Variants in EXO1 observed in about 807,000 individuals in gnomAD.
The protein encoded by EXO1 is exonuclease 1.
In EXO1, 69 loss-of-function variants were observed where a neutral mutation model predicts 84.5. That is an observed-to-expected ratio of 0.82 (90% confidence interval 0.67 to 1.00). The LOEUF (loss-of-function observed/expected upper bound fraction) is 1.00. EXO1 is among the 50% of genes least tolerant of loss of function. EXO1 has a pLI of 0.00. For missense variants in EXO1, 1,045 were observed against 1,000.7 expected, an observed-to-expected ratio of 1.04 and a Z score of -0.60; for synonymous variants, 373 against 366.1, an observed-to-expected ratio of 1.02 and a Z score of -0.21.
intron 5 of EXO1, 111 bp downstream of exon 5, chr1:241,852,522 G>T (rs1016296881): frequency 4.4e-6 from 4 of 902,812 alleles, no homozygotes; most frequent in Non-Finnish European, 7.2e-6. Flanking sequence ...GCTTGCACCT[G>T]TTGTCCTAGG....
intron 6 of EXO1, among the ~76,000 whole-genome samples, chr1:241,856,097 C>T (rs1483110142): frequency 6.6e-6 from 1 of 152,122 alleles, no homozygotes; most frequent in African/African-American, 2.4e-5. Flanking sequence ...GCGCCGAGAG[C>T]GAGGGAGGGC....
intron 10 of EXO1, among the ~76,000 whole-genome samples, chr1:241,866,008 T>G (rs1225692686): frequency 1.6e-4 from 24 of 152,236 alleles, no homozygotes. Flanking sequence ...TGATTTTTTT[T>G]GTGTCTTTGC....
At chr1:241,864,831 A>G (rs113000589) in intron 10 of EXO1, among the ~76,000 whole-genome samples, 5,892 of 151,222 alleles carry the variant, frequency 0.039, 177 homozygotes, top group Non-Finnish European at 0.054. Flanking sequence ...GAAAAGTGCT[A>G]TCTTTACACA....
At position 241,857,371 on chromosome 1, in the gene EXO1, C is replaced by T. The variant is rs756050889; in HGVS notation, c.432C>T (p.Cys144=). 5 of 1,613,860 alleles carry T rather than the reference C, an allele frequency of 3.1e-6. No homozygotes were observed. The highest frequency in any genetic ancestry group is 1.7e-5 in the Admixed American group (1 of 59,986). Residue 144 remains cysteine, a synonymous_variant, in exon 7 of 16, where the codon TGC becomes TGT. Transcript: ENST00000366548. ...CTGCCCGGTCTCAGGGGGTAGATTG[C>T]CTCGTGGCTCCCTATGAAGCTGATG... is the stretch of plus-strand genomic sequence containing the variant. ...IKAARSQGVD[C]LVAPYEADAQ... is the part of the protein sequence containing the mutation.
At chr1:241,881,608 G>A (rs1052796067) in intron 13 of EXO1, among the ~76,000 whole-genome samples, 5 of 152,134 alleles carry the variant, frequency 3.3e-5, no homozygotes, top group Admixed American at 3.3e-4. Flanking sequence ...CGTGCGTAAC[G>A]CAGCGTTTTT....
intron 3 of EXO1, 60 bp downstream of exon 3, chr1:241,849,276 G>A (rs1008350860): frequency 6.6e-6 from 1 of 152,212 alleles, no homozygotes; most frequent in African/African-American, 2.4e-5. Flanking sequence ...CTTAACGTTT[G>A]ATAGGAGAGA....
Position 241,852,325 on chromosome 1 carries a change from G to C in EXO1, c.195G>C (p.Met65Ile), listed in dbSNP as rs763649220. ...GATTTTGTATGAAATTTGTAAATAT[G>C]TTACTATCTCATGGGATCAAGCCTA... ...YVGFCMKFVN[M>I]LLSHGIKPIL... The change falls in exon 5 of 16, where the codon ATG (methionine) becomes ATC (isoleucine). Residue 65 changes from methionine (M) to isoleucine (I), a missense_variant. Met to Ile is a conservative substitution (Grantham distance 10). Transcript: ENST00000366548. The C allele has an allele frequency of 2.5e-6, 4 of 1,596,558 alleles. No homozygotes were observed. The South Asian group carries it at 4.4e-5, about 18-fold the overall frequency.
chr1:241,860,765 A>G, intron 9 of EXO1, 61 bp downstream of exon 9: 3 of 1,402,770 alleles, frequency 2.1e-6, no homozygotes, highest in Non-Finnish European at 3.0e-6. Flanking sequence ...TTTTATGGTG[A>G]TTTTTTTGTG....
intron 12 of EXO1, among the ~76,000 whole-genome samples, chr1:241,874,652 T>A (rs977932288): frequency 1.3e-5 from 2 of 152,222 alleles, no homozygotes; most frequent in Non-Finnish European, 2.9e-5. Context: ...TCTTGTTGTG[T>A]TCATTGTGAG....
chr1:241,862,024 C>T (rs563460581), intron 10 of EXO1, among the ~76,000 whole-genome samples: 70 of 152,162 alleles, frequency 4.6e-4, no homozygotes, highest in Non-Finnish European at 8.5e-4. Context: ...CCACAACCTC[C>T]GCCTCCCAGG....
intron 10 of EXO1, among the ~76,000 whole-genome samples, chr1:241,862,195 C>G (rs1661435943): frequency 6.6e-6 from 1 of 152,220 alleles, no homozygotes; most frequent in African/African-American, 2.4e-5. Flanking sequence ...ACCTCGGCCT[C>G]CCAAAGCGCT....
intron 6 of EXO1, among the ~76,000 whole-genome samples, chr1:241,855,848 C>G (rs1221753834): frequency 6.6e-6 from 1 of 152,242 alleles, no homozygotes; most frequent in South Asian, 2.1e-4. Context: ...TGCCTGGGGC[C>G]GACAGGGCCG....
chr1:241,875,606 T>C (rs1662346445), intron 12 of EXO1, among the ~76,000 whole-genome samples: 3 of 152,118 alleles, frequency 2.0e-5, no homozygotes, highest in Non-Finnish European at 4.4e-5. Context: ...GGGCCGGCCG[T>C]GGTGGTTCAT....
intron 13 of EXO1, 81 bp from the exon 14 acceptor site, chr1:241,881,835 T>G (rs921082877): frequency 8.7e-6 from 6 of 691,912 alleles, no homozygotes; most frequent in Non-Finnish European, 1.5e-5. Flanking sequence ...ATCTTCCATT[T>G]TGTTGAATAT....
intron 15 of EXO1, among the ~76,000 whole-genome samples, chr1:241,888,657 C>T (rs1352622484): frequency 6.6e-6 from 1 of 152,164 alleles, no homozygotes; most frequent in South Asian, 2.1e-4. Flanking sequence ...AAAAGATGTA[C>T]TGGTATTTAA....
Position 241,855,008 on chromosome 1 carries a change from C to T in EXO1, c.405+1527C>T, listed in dbSNP as rs4149882. Among the ~76,000 whole-genome samples, 667 of 152,242 alleles carry T rather than the reference C, an allele frequency of 4.4e-3. 2 individuals carry two copies. Among genetic ancestry groups the T allele is most frequent in the African/African-American group, 0.015 (617 of 41,530 alleles). On this transcript the variant is annotated intron_variant, in intron 6 of 15. Transcript: ENST00000366548. ...TGGCTTTAGGAGTGAAGCTGCAGACCTTTGCGGTGAGTGTTACAGCTCATA... is the reference window on the plus strand; with the variant it reads ...TGGCTTTAGGAGTGAAGCTGCAGACTTTTGCGGTGAGTGTTACAGCTCATA...
At chr1:241,856,155 G>C (rs189077182) in intron 6 of EXO1, among the ~76,000 whole-genome samples, 7 of 152,290 alleles carry the variant, frequency 4.6e-5, no homozygotes, top group African/African-American at 1.7e-4. Flanking sequence ...ATGAGAGTAG[G>C]ACTATTGCTG....
At chr1:241,885,179 A>C (rs1407505975) in intron 14 of EXO1, 135 bp from the exon 15 acceptor site, 10 of 337,604 alleles carry the variant, frequency 3.0e-5, no homozygotes, top group Admixed American at 4.7e-5. Flanking sequence ...TGCACTCCAG[A>C]CTGGGCGACA....
chr1:241,882,913 A>G (rs1662856816), intron 14 of EXO1, among the ~76,000 whole-genome samples: 1 of 152,232 alleles, frequency 6.6e-6, no homozygotes, highest in African/African-American at 2.4e-5. Flanking sequence ...AGTTCAAATA[A>G]TTTAAACCAG....
Sources: allele counts gnomAD v4.1 joint callset (sites outside exome capture counted in the v4.1 genomes callset), GRCh38; gene constraint gnomAD v4.1.1; transcripts MANE v1.5; gene names NCBI Gene and HGNC (gene_info 2026-07-23, HGNC 2026-07-21).